TSPAN1: variants seen among roughly 807,000 people sequenced by gnomAD.
TSPAN1 encodes the protein tetraspanin 1, also known as tetraspanin-1.
In TSPAN1, 23 loss-of-function variants were observed where a neutral mutation model predicts 26.9. The observed-to-expected ratio is 0.85, with a 90% CI of 0.62 to 1.21. The LOEUF is 1.21. Among genes scored for constraint, TSPAN1 ranks in the 50% most tolerant of loss-of-function variants. TSPAN1 has a pLI of 0.00. For missense variants in TSPAN1, 283 were observed against 298.4 expected (o/e 0.95, Z 0.38); for synonymous variants, 115 against 114.8 (o/e 1.00, Z -0.01).
the TSPAN1 span, chr1:46,194,615 G>C: frequency 1.2e-6 from 2 of 1,614,220 alleles, no homozygotes; most frequent in East Asian, 2.2e-5. Context: ...GGAAGAGAGG[G>C]CAGGTGATTT....
At chr1:46,191,415 G>C in the TSPAN1 span, 35 of 179,576 alleles carry the variant, frequency 1.9e-4, no homozygotes, top group Non-Finnish European at 3.9e-4. Context: ...TGAAGCATAG[G>C]CTCCAGCACT....
At chr1:46,189,520 CA>C (rs587777822), downstream of TSPAN1, 1 of 1,613,610 alleles carries the variant, frequency 6.2e-7, no homozygotes, top group East Asian at 2.2e-5. Flanking sequence ...ACAATCTCCA[CA>C]GGCCCCGATG....
chr1:46,184,074 A>T (rs926300702), intron 3 of TSPAN1, 117 bp from the exon 4 acceptor site: 2 of 1,108,362 alleles, frequency 1.8e-6, no homozygotes, highest in Non-Finnish European at 1.4e-6. Context: ...ATGAGGTTTT[A>T]GACTCCCTAG....
chr1:46,181,983 T>C (rs1657323657), intron 3 of TSPAN1, among the ~76,000 whole-genome samples: 1 of 151,866 alleles, frequency 6.6e-6, no homozygotes, highest in South Asian at 2.1e-4. Context: ...GTGGTGGAGA[T>C]AGGGAGAAAC....
At chr1:46,190,492 C>T, downstream of TSPAN1, 1 of 1,607,426 alleles carries the variant, frequency 6.2e-7, no homozygotes, top group Non-Finnish European at 8.5e-7. Context: ...CTGTGAACTT[C>T]CACTTCATAA....
chr1:46,184,121 T>C (rs1657370937), intron 3 of TSPAN1, 70 bp from the exon 4 acceptor site: 1 of 1,530,280 alleles, frequency 6.5e-7, no homozygotes, highest in Non-Finnish European at 9.1e-7. Context: ...CCCATCCTTC[T>C]TACTCAGCTG....
intron 4 of TSPAN1, 88 bp from the exon 5 acceptor site, chr1:46,184,506 T>C (rs1657381989): frequency 6.2e-7 from 1 of 1,603,134 alleles, no homozygotes; most frequent in African/African-American, 1.3e-5. Flanking sequence ...CTCAGGCTTC[T>C]GTCTCACTTT....
chr1:46,177,601 C>T (rs958072487), intron 1 of TSPAN1, among the ~76,000 whole-genome samples: 11 of 152,172 alleles, frequency 7.2e-5, no homozygotes, highest in South Asian at 2.1e-4. Context: ...TGAGAATATG[C>T]GTCACTAAAT....
intron 1 of TSPAN1, among the ~76,000 whole-genome samples, chr1:46,179,973 G>A (rs1290292232): frequency 6.6e-6 from 1 of 152,076 alleles, no homozygotes; most frequent in East Asian, 1.9e-4. Context: ...GAGTGTGTGT[G>A]TGTGTGTGTG....
downstream of TSPAN1, chr1:46,190,778 AG>A (rs1434252108): frequency 6.2e-7 from 1 of 1,613,074 alleles, no homozygotes; most frequent in Admixed American, 1.7e-5. Context: ...TTCTTGAAGT[AG>A]GCCTCCTGGA....
rs771007454 is a variant in TSPAN1, at chr1:46,184,166, G to A, written c.58-25G>A. The A allele has an allele frequency of 4.8e-5, 78 of 1,613,506 alleles. 1 individual carries two copies. In the Admixed American group the frequency reaches 1.3e-3, roughly 27 times the overall value. ...AAGCTACTTGCCAGCACTGTTTAAGGCCTGCCTGACCTCTCTCTCCCCAGC... is the reference window on the plus strand; with the variant it reads ...AAGCTACTTGCCAGCACTGTTTAAGACCTGCCTGACCTCTCTCTCCCCAGC... On this transcript the variant is annotated intron_variant, in intron 3 of 8. Transcript: ENST00000372003.
intron 3 of TSPAN1, chr1:46,183,412 T>C (rs1233221312): frequency 6.6e-6 from 1 of 152,332 alleles, no homozygotes; most frequent in Non-Finnish European, 1.5e-5. Flanking sequence ...AAGTGAGGAC[T>C]AGTCACCAAG....
intron 1 of TSPAN1, chr1:46,176,589 T>G: frequency 4.0e-6 from 5 of 1,243,166 alleles, no homozygotes; most frequent in Non-Finnish European, 5.4e-6. Flanking sequence ...TCGTGGGCCC[T>G]GGCCCCTCCT....
chr1:46,193,281 C>T, the TSPAN1 span: 1 of 1,613,840 alleles, frequency 6.2e-7, no homozygotes, highest in Non-Finnish European at 8.5e-7. Context: ...GTGTCTGCCC[C>T]ATCCCCACTT....
downstream of TSPAN1, chr1:46,189,442 G>GA: frequency 6.2e-7 from 1 of 1,613,488 alleles, no homozygotes. Flanking sequence ...TCCCAGGGCA[G>GA]AAAAGGGTCA....
At chr1:46,176,043 T>C (rs1374456640) in intron 1 of TSPAN1, among the ~76,000 whole-genome samples, 4 of 152,086 alleles carry the variant, frequency 2.6e-5, no homozygotes, top group Non-Finnish European at 5.9e-5. Context: ...CGGCTAATTT[T>C]TTTTTGTATT....
downstream of TSPAN1, chr1:46,190,943 T>G: frequency 1.4e-6 from 1 of 713,964 alleles, no homozygotes; most frequent in East Asian, 2.9e-5. Context: ...TGCAGCATCC[T>G]CAGCAAGCTC....
chr1:46,177,968 C>T (rs967050195), intron 1 of TSPAN1, among the ~76,000 whole-genome samples: 1 of 152,218 alleles, frequency 6.6e-6, no homozygotes, highest in African/African-American at 2.4e-5. Flanking sequence ...TTATTCTGCA[C>T]TCATTCACTC....
chr1:46,185,666 C>A lies in TSPAN1; in HGVS notation c.*133C>A. 9.7e-7 allele frequency: 1 copy of A among 1,035,730 alleles called. No homozygotes were observed. The highest frequency in any genetic ancestry group is 1.5e-6 in the Non-Finnish European group (1 of 689,444). 64.2% of individuals were successfully genotyped at this position (1,035,730 alleles called of 1,614,324 possible). A position where few individuals can be genotyped will look rare whatever the true frequency, so the allele number is the denominator to read the frequency against. ...GGCCAGAATGGACCTGCCCTTTCTG[C>A]TCCAGACTTGGGGCTAGATAGGGAC... On this transcript the variant is annotated 3_prime_UTR_variant, in exon 9 of 9. Transcript: ENST00000372003.
Sources: gnomAD v4.1 joint callset for allele counts (sites outside exome capture counted in the v4.1 genomes callset) on GRCh38, gnomAD v4.1.1 for gene constraint, MANE v1.5 for transcripts, NCBI Gene and HGNC (gene_info 2026-07-23, HGNC 2026-07-21) for gene names.